BANP: variants seen among roughly 807,000 people sequenced by gnomAD.
BANP encodes the protein BTG3 associated nuclear protein.
Under a neutral mutation model 68.1 loss-of-function variants are expected in BANP, and 11 were observed. The ratio of observed to expected loss-of-function variants is 0.16; its 90% CI spans 0.10 to 0.27. The LOEUF is 0.27. Among genes scored for constraint, BANP ranks in the 10% least tolerant of loss-of-function variants. The pLI, the probability that BANP is intolerant of heterozygous loss-of-function variation, is 1.00. For synonymous variants in BANP, 329 were observed against 303.2 expected (o/e 1.09, Z -0.88); for missense variants, 504 against 722.7 (o/e 0.70, Z 3.47).
chr16:88,063,009 C>G (rs1331030899), intron 11 of BANP, among the ~76,000 whole-genome samples: 1 of 152,200 alleles, frequency 6.6e-6, no homozygotes, highest in Non-Finnish European at 1.5e-5. Context: ...CTGAGTTGTC[C>G]TCATCACCAA....
chr16:88,072,995 C>T (rs181984953), intron 13 of BANP, among the ~76,000 whole-genome samples: 2 of 152,342 alleles, frequency 1.3e-5, no homozygotes, highest in African/African-American at 2.4e-5. Flanking sequence ...GTGGACCCAG[C>T]GCTGGTGATC....
In BANP at chr16:87,975,101, C is replaced by G; in HGVS notation, c.-15C>G. ...TGAACTCTTTCGTGTTGACCGGCCA[C>G]TCTCCGTGCTCTGGATGATGTCGGA... On this transcript the variant is annotated 5_prime_UTR_variant, in exon 2 of 14. Coordinates refer to ENST00000682872, the MANE Select transcript of BANP (RefSeq NM_001386991.1). The G allele has an allele frequency of 6.3e-7, 1 of 1,590,264 alleles. No individual in the cohort carries two copies. Among genetic ancestry groups the G allele is most frequent in the Non-Finnish European group, 8.6e-7 (1 of 1,163,726 alleles).
intron 7 of BANP, among the ~76,000 whole-genome samples, chr16:88,026,889 A>G (rs2077105231): frequency 6.6e-6 from 1 of 152,232 alleles, no homozygotes; most frequent in South Asian, 2.1e-4. Context: ...ACACACATGA[A>G]TTCTCCAAAT....
chr16:88,028,654 A>G (rs1273084014), intron 8 of BANP, among the ~76,000 whole-genome samples: 1 of 152,178 alleles, frequency 6.6e-6, no homozygotes, highest in East Asian at 1.9e-4. Flanking sequence ...GGGACTTGAG[A>G]GAGGTAGCAG....
chr16:87,967,815 G>A (rs1301125109), intron 1 of BANP, among the ~76,000 whole-genome samples: 2 of 151,578 alleles, frequency 1.3e-5, no homozygotes, highest in Non-Finnish European at 2.9e-5. Flanking sequence ...TAGAGACGGC[G>A]TTTCACCATG....
chr16:88,076,070 G>C (rs1267375168), intron 13 of BANP, among the ~76,000 whole-genome samples: 1 of 152,186 alleles, frequency 6.6e-6, no homozygotes, highest in Non-Finnish European at 1.5e-5. Flanking sequence ...TTAAGATAAA[G>C]CTGTGATTTC....
intron 11 of BANP, among the ~76,000 whole-genome samples, chr16:88,063,554 T>C (rs766003598): frequency 2.3e-4 from 35 of 152,248 alleles, no homozygotes; most frequent in Non-Finnish European, 7.3e-5. Context: ...TCGCCTTCTG[T>C]GCACAAGCTC....
At chr16:88,016,594 T>C (rs544774859) in intron 6 of BANP, among the ~76,000 whole-genome samples, 1 of 152,348 alleles carries the variant, frequency 6.6e-6, no homozygotes, top group East Asian at 1.9e-4. Flanking sequence ...CCCTTGGGTG[T>C]CCCGTAAGGA....
chr16:88,027,706 G>A, intron 8 of BANP, 56 bp downstream of exon 8: 1 of 1,600,798 alleles, frequency 6.2e-7, no homozygotes, highest in Non-Finnish European at 8.5e-7. Flanking sequence ...AGCTGGCCTG[G>A]TGGCACCCTC....
chr16:87,992,439 A>G (rs1280396368), intron 4 of BANP, among the ~76,000 whole-genome samples: 5 of 152,140 alleles, frequency 3.3e-5, no homozygotes, highest in African/African-American at 1.2e-4. Flanking sequence ...TTTCTTTTAA[A>G]AAATTTGATA....
intron 1 of BANP, chr16:87,963,511 C>T (rs28485431): frequency 0.029 from 4,441 of 152,274 alleles, 87 homozygotes; most frequent in Non-Finnish European, 0.046. Context: ...CACGTCAGAG[C>T]CCCGCTCTGG....
chr16:88,076,458 C>T, intron 13 of BANP, 132 bp from the exon 14 acceptor site: 1 of 722,428 alleles, frequency 1.4e-6, no homozygotes. Context: ...GCCTTGGGGC[C>T]GTCAGGGCTC....
At chr16:88,045,834 G>A (rs949897642) in intron 11 of BANP, among the ~76,000 whole-genome samples, 6 of 152,056 alleles carry the variant, frequency 3.9e-5, no homozygotes, top group African/African-American at 9.6e-5. Context: ...CAGGGCGGCC[G>A]CTCCCTCAGT....
At chr16:88,060,850 G>A (rs546485267) in intron 11 of BANP, among the ~76,000 whole-genome samples, 4 of 151,408 alleles carry the variant, frequency 2.6e-5, no homozygotes, top group Admixed American at 1.3e-4. Context: ...ACTCTTCGTC[G>A]TCCCCTGCCC....
intron 1 of BANP, among the ~76,000 whole-genome samples, chr16:87,965,303 T>A (rs2059828643): frequency 6.6e-6 from 1 of 151,852 alleles, no homozygotes; most frequent in Non-Finnish European, 1.5e-5. Flanking sequence ...ATGGGTGGGA[T>A]CTGGAGGGGA....
chr16:88,076,677 C>A lies in BANP; in HGVS notation c.*16C>A. ...GATTCAGTGAGCGGTGCCCATGGCA[C>A]CAGGAGCCCCTCGCCGGCTCCGCCT... On this transcript the variant is annotated 3_prime_UTR_variant, in exon 14 of 14. Coordinates refer to ENST00000682872, the MANE Select transcript of BANP (RefSeq NM_001386991.1). 2 of 1,601,808 alleles carry A rather than the reference C, an allele frequency of 1.2e-6. No individual in the cohort carries two copies. The highest frequency in any genetic ancestry group is 8.5e-7 in the Non-Finnish European group (1 of 1,177,614).
intron 11 of BANP, among the ~76,000 whole-genome samples, chr16:88,062,296 G>C (rs2087038044): frequency 6.6e-6 from 1 of 152,194 alleles, no homozygotes; most frequent in Non-Finnish European, 1.5e-5. Context: ...TGGGCTTCTT[G>C]CGTTGACCTT....
In BANP at chr16:87,961,562, C is replaced by T. The variant is rs1174952354; in HGVS notation, c.-69+10047C>T. Among the ~76,000 whole-genome samples, 5 of 152,180 alleles carry T rather than the reference C, an allele frequency of 3.3e-5. No homozygotes were observed. The East Asian group carries it at 7.7e-4, about 23-fold the overall frequency. Reference sequence around the variant, plus strand: ...AAACTCTAGTTGTTTTCAATTAAGCCGGGCATTAGAAATTTGTAAAAATGT... The same window carrying T: ...AAACTCTAGTTGTTTTCAATTAAGCTGGGCATTAGAAATTTGTAAAAATGT... On this transcript the variant is annotated intron_variant, in intron 1 of 13. Transcript: ENST00000682872.
intron 11 of BANP, among the ~76,000 whole-genome samples, chr16:88,061,319 A>G (rs963347837): frequency 6.6e-6 from 1 of 152,292 alleles, no homozygotes; most frequent in African/African-American, 2.4e-5. Context: ...TTTTGGCCTG[A>G]AGGACGATTG....
Sources: gnomAD v4.1 joint callset for allele counts (sites outside exome capture counted in the v4.1 genomes callset) on GRCh38, gnomAD v4.1.1 for gene constraint, MANE v1.5 for transcripts, NCBI Gene and HGNC (gene_info 2026-07-23, HGNC 2026-07-21) for gene names.